Variants in SYK observed in about 807,000 individuals in gnomAD.
SYK encodes the protein tyrosine-protein kinase SYK.
SYK carries 16 observed loss-of-function variants against 77.8 expected under a neutral mutation model. The observed-to-expected ratio is 0.21, with a 90% confidence interval of 0.14 to 0.31. The LOEUF (loss-of-function observed/expected upper bound fraction) is 0.31, where lower values mean the gene tolerates loss of function less well. Ranked by LOEUF, SYK falls within the 10% of genes least tolerant of loss-of-function variation. The pLI is 1.00. For synonymous variants in SYK, 312 were observed against 308.7 expected, an observed-to-expected ratio of 1.01 and a Z score of -0.11; for missense variants, 529 against 814.4, an observed-to-expected ratio of 0.65 and a Z score of 4.26.
At chr9:90,866,120 C>T (rs1827483348) in intron 6 of SYK, among the ~76,000 whole-genome samples, 1 of 152,092 alleles carries the variant, frequency 6.6e-6, no homozygotes, top group South Asian at 2.1e-4. Context: ...AGGATGGTCT[C>T]GATCTCCTAA....
At chr9:90,804,888 G>C (rs1052017957) in intron 1 of SYK, among the ~76,000 whole-genome samples, 1 of 152,094 alleles carries the variant, frequency 6.6e-6, no homozygotes, top group African/African-American at 2.4e-5. Context: ...TTGATATGAT[G>C]TTATCAGGGA....
chr9:90,871,499 A>C (rs1827724863), intron 7 of SYK, among the ~76,000 whole-genome samples: 1 of 152,234 alleles, frequency 6.6e-6, no homozygotes, highest in South Asian at 2.1e-4. Context: ...CTCATTCTTT[A>C]CAAACTCCTC....
chr9:90,862,039 G>A (rs1471838129), intron 3 of SYK, among the ~76,000 whole-genome samples, 167 bp from the exon 4 acceptor site: 2 of 152,134 alleles, frequency 1.3e-5, no homozygotes, highest in Non-Finnish European at 2.9e-5. Context: ...TCCTGGGTTG[G>A]GTAAAGCCCT....
chr9:90,886,882 G>T (rs1169172203), intron 11 of SYK, among the ~76,000 whole-genome samples: 2 of 152,122 alleles, frequency 1.3e-5, no homozygotes, highest in African/African-American at 2.4e-5. Flanking sequence ...CAACCTAACT[G>T]TCCATGGATG....
chr9:90,854,560 A>C (rs1826948806), intron 3 of SYK, among the ~76,000 whole-genome samples: 1 of 152,132 alleles, frequency 6.6e-6, no homozygotes. Flanking sequence ...GGACCCTAGA[A>C]GTGCTCCTTT....
chr9:90,876,744 C>T (rs951607272), intron 9 of SYK, among the ~76,000 whole-genome samples: 1 of 152,196 alleles, frequency 6.6e-6, no homozygotes, highest in Non-Finnish European at 1.5e-5. Context: ...AATCTATAAA[C>T]ACAGCCCATC....
intron 11 of SYK, among the ~76,000 whole-genome samples, chr9:90,883,243 C>A (rs575403522): frequency 6.6e-6 from 1 of 152,088 alleles, no homozygotes; most frequent in East Asian, 1.9e-4. Flanking sequence ...CAAATCACAC[C>A]CCCTATAGCT....
intron 7 of SYK, among the ~76,000 whole-genome samples, chr9:90,868,511 ATAAT>A (rs1827605778): frequency 6.6e-6 from 1 of 152,246 alleles, no homozygotes; most frequent in South Asian, 2.1e-4. Context: ...GATTCTAAAA[ATAAT>A]TAACAAAAAT....
rs1554714310 is a variant in SYK, at chr9:90,884,150, T to TGTGTATATATATATATACACAC, written c.1582-3588_1582-3587insTATATACACACGTGTATATATA. Among the ~76,000 whole-genome samples, 496 of 71,520 alleles carry TGTGTATATATATATATACACAC rather than the reference T, an allele frequency of 6.9e-3. 49 individuals carry two copies. Among genetic ancestry groups the TGTGTATATATATATATACACAC allele is most frequent in the African/African-American group, 0.029 (474 of 16,480 alleles). 46.9% of individuals were successfully genotyped at this position (71,520 alleles called of 152,430 possible). ...AGTGCCCTACATATATATATGTGTG[T>TGTGTATATATATATATACACAC]GTGTATATATACACACATACACATA... On this transcript the variant is annotated intron_variant, in intron 11 of 13. Transcript: ENST00000375754.
intron 13 of SYK, among the ~76,000 whole-genome samples, chr9:90,892,746 T>G (rs1158580192): frequency 6.6e-6 from 1 of 152,186 alleles, no homozygotes; most frequent in Admixed American, 6.5e-5. Flanking sequence ...GGAGAGAAGT[T>G]GGTGCTCTTG....
chr9:90,828,232 C>G (rs1258110891), intron 1 of SYK, among the ~76,000 whole-genome samples: 1 of 30,656 alleles, frequency 3.3e-5, no homozygotes, highest in Non-Finnish European at 7.4e-5. Context: ...TGGCCTCACC[C>G]CCGCCCCCCC....
At chr9:90,848,241 A>G (rs985434317) in intron 3 of SYK, among the ~76,000 whole-genome samples, 1 of 152,180 alleles carries the variant, frequency 6.6e-6, no homozygotes, top group Non-Finnish European at 1.5e-5. Context: ...TTTCATCTTT[A>G]GAAGTGTTTG....
At chr9:90,824,948 A>G (rs1825622553) in intron 1 of SYK, among the ~76,000 whole-genome samples, 1 of 152,162 alleles carries the variant, frequency 6.6e-6, no homozygotes, top group African/African-American at 2.4e-5. Flanking sequence ...GATAATATGC[A>G]TGTCCATATG....
At chr9:90,807,660 A>G (rs1053115179) in intron 1 of SYK, among the ~76,000 whole-genome samples, 5 of 152,332 alleles carry the variant, frequency 3.3e-5, no homozygotes, top group South Asian at 2.1e-4. Flanking sequence ...ACAATTGCCA[A>G]AGTTAGTTTC....
At chr9:90,817,941 C>T (rs1291631210) in intron 1 of SYK, among the ~76,000 whole-genome samples, 3 of 149,324 alleles carry the variant, frequency 2.0e-5, no homozygotes, top group African/African-American at 7.4e-5. Context: ...TGGTTTAATA[C>T]ATATTTCTCC....
At position 90,825,308 on chromosome 9, in the gene SYK, G is replaced by A. The variant is rs74860396; in HGVS notation, c.-41-18550G>A. 5.7e-3 allele frequency among the ~76,000 whole-genome samples: 870 copies of A among 152,268 alleles called. 10 individuals carry two copies. The highest frequency in any genetic ancestry group is 0.02 in the African/African-American group (819 of 41,558). On this transcript the variant is annotated intron_variant, in intron 1 of 13. Coordinates refer to ENST00000375754, the MANE Select transcript of SYK (RefSeq NM_003177.7). ...ATGTTCATTCTGCCAAGCTTGATCT[G>A]TAGATTCAACCCAATCCCAATCAAA...
chr9:90,874,797 C>T lies in SYK; in HGVS notation c.1129C>T (p.Leu377=). 6.2e-7 allele frequency: 1 copy of T among 1,614,162 alleles called. No homozygotes were observed. The highest frequency in any genetic ancestry group is 1.3e-5 in the African/African-American group (1 of 75,024). Residue 377 remains leucine (L), a synonymous_variant, in exon 9 of 14, where the codon CTG becomes TTG. Transcript: ENST00000375754. ...GCTGCTGACGCTGGAAGACAAAGAA[C>T]TGGGCTCTGGTAATTTTGGAACTGT... The part of the protein sequence containing the change: ...RKLLTLEDKE[L]GSGNFGTVKK...
chr9:90,883,313 C>T (rs1209440557), intron 11 of SYK, among the ~76,000 whole-genome samples: 1 of 152,066 alleles, frequency 6.6e-6, no homozygotes, highest in African/African-American at 2.4e-5. Flanking sequence ...AGGCCCATAG[C>T]CAGCGCCATT....
chr9:90,883,194 CCCCTG>C (rs1026182654), intron 11 of SYK, among the ~76,000 whole-genome samples: 9 of 152,172 alleles, frequency 5.9e-5, no homozygotes, highest in African/African-American at 2.2e-4. Context: ...GGGACAGATC[CCCCTG>C]CTGCTACAGG....
Sources: gnomAD v4.1 joint callset for allele counts (sites outside exome capture counted in the v4.1 genomes callset) on GRCh38, gnomAD v4.1.1 for gene constraint, MANE v1.5 for transcripts, NCBI Gene and HGNC (gene_info 2026-07-23, HGNC 2026-07-21) for gene names.